Variants in TSPAN16 observed in about 807,000 individuals in gnomAD.
The protein encoded by TSPAN16 is tetraspanin-16.
A neutral mutation model predicts 25.2 loss-of-function variants in TSPAN16; 23 were observed. The observed-to-expected ratio is 0.91, with a 90% CI of 0.66 to 1.29. The LOEUF (loss-of-function observed/expected upper bound fraction) is 1.29, where lower values mean the gene tolerates loss of function less well. TSPAN16 is among the 50% of genes most tolerant of loss of function. The pLI, the probability that TSPAN16 is intolerant of heterozygous loss-of-function variation, is 0.00. For missense variants in TSPAN16, 272 were observed against 299.9 expected (o/e 0.91, Z 0.69); for synonymous variants, 123 against 124.4 (o/e 0.99, Z 0.08).
At chr19:11,319,981 A>AT (rs2080768212), downstream of TSPAN16, among the ~76,000 whole-genome samples, 3 of 148,330 alleles carry the variant, frequency 2.0e-5, no homozygotes, top group South Asian at 6.4e-4. Context: ...CGCCCGGCTA[A>AT]TTTTTTTGTT....
At chr19:11,303,592 A>C (rs1210388807) in intron 4 of TSPAN16, among the ~76,000 whole-genome samples, 6 of 148,134 alleles carry the variant, frequency 4.1e-5, no homozygotes, top group South Asian at 2.1e-4. Flanking sequence ...AAAAAAAAAA[A>C]AAAAACTCCT....
At position 11,315,850 on chromosome 19, in the gene TSPAN16, G is replaced by A; in HGVS notation, c.*12G>A. 2 of 1,231,918 alleles carry A rather than the reference G, an allele frequency of 1.6e-6. No homozygotes were observed. Among genetic ancestry groups the A allele is most frequent in the Non-Finnish European group, 2.0e-6 (2 of 987,814 alleles). 76.3% of individuals were successfully genotyped at this position (1,231,918 alleles called of 1,614,324 possible). A position where few individuals can be genotyped will look rare whatever the true frequency, so the allele number is the denominator to read the frequency against. On this transcript the variant is annotated 3_prime_UTR_variant, in exon 7 of 7. Transcript: ENST00000590327. ...TCAAGCTGGGCTGACACCCAGGCCT[G>A]GAGAAGATGAGACACCTGGGCCCAT...
rs1302643711 is a variant in TSPAN16, at chr19:11,296,181, G to A, written c.-117G>A. ...CATCAGGCAGCCAGGACACAGAGGGGCAGAGCAAGTCAGCATTGGCGCCCC... is the reference window on the plus strand; with the variant it reads ...CATCAGGCAGCCAGGACACAGAGGGACAGAGCAAGTCAGCATTGGCGCCCC... On this transcript the variant is annotated 5_prime_UTR_variant, in exon 1 of 7. Coordinates refer to ENST00000590327, the MANE Select transcript of TSPAN16 (RefSeq NM_001282509.2). 33 of 1,071,780 alleles carry A rather than the reference G, an allele frequency of 3.1e-5. No individual in the cohort carries two copies. Among genetic ancestry groups the A allele is most frequent in the Middle Eastern group, 2.3e-4 (1 of 4,396 alleles). The allele number at this position is 1,071,780 out of a possible 1,614,324, so 66.4% of individuals were successfully genotyped here. A position where few individuals can be genotyped will look rare whatever the true frequency, so the allele number is the denominator to read the frequency against.
In TSPAN16 at chr19:11,298,279, A is replaced by G; in HGVS notation, c.207A>G (p.Val69=). Residue 69 remains valine, a synonymous_variant, in exon 2 of 7, where the codon GTA becomes GTG. Coordinates refer to ENST00000590327, the MANE Select transcript of TSPAN16 (RefSeq NM_001282509.2). ...NLCLVMGCIT[V]LLGCAGWYGA... is the part of the protein sequence containing the mutation. ...GCCTGGTGATGGGATGCATCACGGTACTGCTTGGCTGTGCCGGGTGGTATG... is the reference window on the plus strand; with the variant it reads ...GCCTGGTGATGGGATGCATCACGGTGCTGCTTGGCTGTGCCGGGTGGTATG... 1.9e-6 allele frequency: 3 copies of G among 1,614,124 alleles called. No individual in the cohort carries two copies. Among genetic ancestry groups the G allele is most frequent in the Non-Finnish European group, 2.5e-6 (3 of 1,179,998 alleles).
At chr19:11,318,439 C>T (rs549128279), downstream of TSPAN16, among the ~76,000 whole-genome samples, 132 of 151,060 alleles carry the variant, frequency 8.7e-4, no homozygotes, top group Non-Finnish European at 1.6e-3. Flanking sequence ...CAATTACAGG[C>T]GTGAGCCACT....
downstream of TSPAN16, among the ~76,000 whole-genome samples, chr19:11,317,538 A>G (rs2080755496): frequency 6.6e-6 from 1 of 151,670 alleles, no homozygotes; most frequent in Admixed American, 6.6e-5. Context: ...CTTGTTGTCC[A>G]GGCTGGAGTG....
chr19:11,300,858 G>A (rs1481084922), intron 3 of TSPAN16: 4 of 179,492 alleles, frequency 2.2e-5, no homozygotes, highest in Non-Finnish European at 4.7e-5. Flanking sequence ...CAGAGATTCC[G>A]TGGAAGATGA....
At chr19:11,315,990 C>T (rs1203531490), downstream of TSPAN16, 4 of 1,221,358 alleles carry the variant, frequency 3.3e-6, no homozygotes, top group African/African-American at 6.3e-5. Context: ...CTTCTTTCTC[C>T]TTACTTTCAT....
chr19:11,300,619 C>T (rs915763036), intron 3 of TSPAN16, among the ~76,000 whole-genome samples: 2 of 152,086 alleles, frequency 1.3e-5, no homozygotes, highest in Admixed American at 6.6e-5. Flanking sequence ...TTTGCTTTGA[C>T]ACACATAGAA....
chr19:11,301,214 C>A lies in TSPAN16; in HGVS notation c.356C>A (p.Ala119Asp). 1 of 1,613,842 alleles carries A rather than the reference C, an allele frequency of 6.2e-7. No homozygotes were observed. The highest frequency in any genetic ancestry group is 8.5e-7 in the Non-Finnish European group (1 of 1,179,904). The change falls in exon 4 of 7, where the codon GCC becomes GAC. Residue 119 changes from alanine (A) to aspartate (D), a missense_variant. Coordinates refer to ENST00000590327, the MANE Select transcript of TSPAN16 (RefSeq NM_001282509.2). ...CCTCTCTGTGAGGTTGGAGATGTGGCCTTGGAACACACCTTCGTGACCCTG... is the reference window on the plus strand; with the variant it reads ...CCTCTCTGTGAGGTTGGAGATGTGGACTTGGAACACACCTTCGTGACCCTG... ...LLFFPIVGDVALEHTFVTLRK... is the reference protein window; with the variant it reads ...LLFFPIVGDVDLEHTFVTLRK...
downstream of TSPAN16, among the ~76,000 whole-genome samples, chr19:11,318,152 G>A (rs1335215994): frequency 2.0e-5 from 3 of 151,536 alleles, no homozygotes; most frequent in Non-Finnish European, 4.4e-5. Flanking sequence ...TCAGCCTCCC[G>A]AGTAGCTGGG....
chr19:11,299,744 G>A (rs2080522131), intron 3 of TSPAN16, among the ~76,000 whole-genome samples: 1 of 152,032 alleles, frequency 6.6e-6, no homozygotes, highest in South Asian at 2.1e-4. Context: ...GGAGGCCGAG[G>A]CAGGTGGATC....
chr19:11,296,640 G>A (rs2080481345), intron 1 of TSPAN16, among the ~76,000 whole-genome samples: 1 of 152,230 alleles, frequency 6.6e-6, no homozygotes, highest in Non-Finnish European at 1.5e-5. Flanking sequence ...TCCTGTAGCC[G>A]ACCAAGTTGT....
chr19:11,306,378 C>T (rs1247960256), intron 4 of TSPAN16, among the ~76,000 whole-genome samples: 6 of 151,430 alleles, frequency 4.0e-5, no homozygotes, highest in African/African-American at 1.2e-4. Flanking sequence ...ATTTTTTTGC[C>T]GAGATGGGGT....
downstream of TSPAN16, among the ~76,000 whole-genome samples, chr19:11,320,588 C>A (rs1471242475): frequency 6.6e-6 from 1 of 151,418 alleles, no homozygotes; most frequent in Non-Finnish European, 1.5e-5. Context: ...TGGGAGGATC[C>A]TTTGAGTCCA....
chr19:11,297,449 G>GA (rs796598042), intron 1 of TSPAN16, among the ~76,000 whole-genome samples: 151 of 146,938 alleles, frequency 1.0e-3, no homozygotes, highest in African/African-American at 3.4e-3. Context: ...GGGTTTTTCA[G>GA]AAAAAAAAAA....
chr19:11,299,702 C>T (rs1010542093), intron 3 of TSPAN16, among the ~76,000 whole-genome samples: 3 of 152,104 alleles, frequency 2.0e-5, no homozygotes, highest in South Asian at 2.1e-4. Context: ...GGGCCAGGTG[C>T]GGTGGCTCAC....
chr19:11,307,021 G>A (rs2080635832), intron 5 of TSPAN16, among the ~76,000 whole-genome samples: 1 of 152,070 alleles, frequency 6.6e-6, no homozygotes, highest in Non-Finnish European at 1.5e-5. Context: ...CACCATGTTG[G>A]CCAGGCTGGT....
At chr19:11,317,272 TG>T (rs2080754197), downstream of TSPAN16, among the ~76,000 whole-genome samples, 1 of 152,198 alleles carries the variant, frequency 6.6e-6, no homozygotes, top group Non-Finnish European at 1.5e-5. Context: ...ATTGCTTGTT[TG>T]GCATCCCTTA....
Sources: gnomAD v4.1 joint callset for allele counts (sites outside exome capture counted in the v4.1 genomes callset) on GRCh38, gnomAD v4.1.1 for gene constraint, MANE v1.5 for transcripts, NCBI Gene and HGNC (gene_info 2026-07-23, HGNC 2026-07-21) for gene names.